CNTN5: variants seen among roughly 807,000 people sequenced by gnomAD.
The protein encoded by CNTN5 is contactin-5.
CNTN5 carries 77 observed loss-of-function variants against 129.1 expected under a neutral mutation model. That is an observed-to-expected ratio of 0.60 (90% CI 0.50 to 0.72). The LOEUF (loss-of-function observed/expected upper bound fraction) is 0.72, where lower values mean the gene tolerates loss of function less well. Among genes scored for constraint, CNTN5 ranks in the 30% least tolerant of loss-of-function variants. The pLI is 0.00. For synonymous variants in CNTN5, 509 were observed against 465.6 expected (o/e 1.09, Z -1.20); for missense variants, 1,478 against 1,328.8 (o/e 1.11, Z -1.75).
chr11:99,959,506 T>C (rs973605332), intron 8 of CNTN5, among the ~76,000 whole-genome samples: 3 of 152,218 alleles, frequency 2.0e-5, no homozygotes, highest in Non-Finnish European at 2.9e-5. Context: ...CATCCTGTAC[T>C]ATTGAGAATC....
At chr11:99,729,487 C>G (rs908649624) in intron 3 of CNTN5, among the ~76,000 whole-genome samples, 7 of 152,098 alleles carry the variant, frequency 4.6e-5, no homozygotes, top group Non-Finnish European at 1.0e-4. Context: ...GTCTGTTGTT[C>G]CCTTCTTTGT....
chr11:99,042,219 C>T (rs1045481099), intron 1 of CNTN5, among the ~76,000 whole-genome samples: 1 of 151,642 alleles, frequency 6.6e-6, no homozygotes, highest in African/African-American at 2.4e-5. Flanking sequence ...AAAAGTTTTT[C>T]TTTATTATAC....
chr11:100,334,196 T>A (rs1217905726), intron 21 of CNTN5, among the ~76,000 whole-genome samples: 1 of 152,144 alleles, frequency 6.6e-6, no homozygotes, highest in African/African-American at 2.4e-5. Flanking sequence ...ACATCACTAA[T>A]GATCAGGGAA....
chr11:100,099,735 T>A (rs981144894), intron 13 of CNTN5, among the ~76,000 whole-genome samples: 3 of 152,052 alleles, frequency 2.0e-5, no homozygotes, highest in Admixed American at 2.0e-4. Context: ...TAGGCCCCAG[T>A]TGAAGAATTC....
At chr11:99,459,607 G>A (rs1291230684) in intron 2 of CNTN5, among the ~76,000 whole-genome samples, 1 of 151,974 alleles carries the variant, frequency 6.6e-6, no homozygotes, top group Non-Finnish European at 1.5e-5. Flanking sequence ...AGCATGAAAT[G>A]ATATGAACTC....
At chr11:99,067,240 A>T (rs1865138404) in intron 1 of CNTN5, among the ~76,000 whole-genome samples, 1 of 152,046 alleles carries the variant, frequency 6.6e-6, no homozygotes, top group Admixed American at 6.6e-5. Flanking sequence ...TTTTTGAAAT[A>T]CTCTTGGCAT....
At chr11:100,048,901 T>C (rs1044306258) in intron 9 of CNTN5, among the ~76,000 whole-genome samples, 11 of 151,828 alleles carry the variant, frequency 7.2e-5, no homozygotes, top group Non-Finnish European at 1.3e-4. Flanking sequence ...CATAAACTAA[T>C]TGATGAAAAA....
chr11:99,943,443 A>G (rs1950486828), intron 7 of CNTN5, among the ~76,000 whole-genome samples: 2 of 152,084 alleles, frequency 1.3e-5, no homozygotes, highest in Admixed American at 1.3e-4. Flanking sequence ...GACCTTTGCA[A>G]GATGGATAGA....
intron 1 of CNTN5, among the ~76,000 whole-genome samples, chr11:99,241,216 T>C (rs938140311): frequency 6.6e-6 from 1 of 152,136 alleles, no homozygotes; most frequent in African/African-American, 2.4e-5. Flanking sequence ...CTTGGATGTG[T>C]ACTCCTTCCA....
intron 3 of CNTN5, among the ~76,000 whole-genome samples, chr11:99,689,530 G>A (rs192849771): frequency 0.01 from 961 of 92,908 alleles, no homozygotes; most frequent in African/African-American, 0.011. Flanking sequence ...CCTCAAAAAA[G>A]AAAAAAAAAA....
chr11:99,586,260 A>G (rs184239735), intron 3 of CNTN5, among the ~76,000 whole-genome samples: 45 of 152,294 alleles, frequency 3.0e-4, no homozygotes, highest in Admixed American at 5.9e-4. Context: ...AAATATAATG[A>G]AAACATTTGT....
At chr11:99,160,003 C>T (rs909940653) in intron 1 of CNTN5, among the ~76,000 whole-genome samples, 5 of 152,118 alleles carry the variant, frequency 3.3e-5, no homozygotes, top group African/African-American at 1.2e-4. Context: ...ACAGGGAGCA[C>T]AGGTGAACAA....
At position 100,336,885 on chromosome 11, in the gene CNTN5, G is replaced by C; in HGVS notation, c.2731-3578G>C. 4 of 540,050 alleles carry C rather than the reference G, an allele frequency of 7.4e-6. No homozygotes were observed. The South Asian group carries it at 7.9e-5, about 11-fold the overall frequency. 33.5% of individuals were successfully genotyped at this position (540,050 alleles called of 1,614,324 possible). On this transcript the variant is annotated intron_variant, in intron 21 of 24. Transcript: ENST00000524871. ...TGGAACAGTGGATTTGAAAGCTATA[G>C]CAGCAACTCATAGGGCAGCCGGTGA... is the stretch of plus-strand genomic sequence containing the variant.
At chr11:99,040,627 A>C (rs1183302451) in intron 1 of CNTN5, among the ~76,000 whole-genome samples, 5 of 152,154 alleles carry the variant, frequency 3.3e-5, no homozygotes, top group African/African-American at 1.2e-4. Flanking sequence ...GAACAATTCT[A>C]TTCAACTTAG....
intron 2 of CNTN5, among the ~76,000 whole-genome samples, chr11:99,477,393 T>TCTGA (rs1436573072): frequency 1.3e-5 from 2 of 152,050 alleles, no homozygotes; most frequent in African/African-American, 2.4e-5. Context: ...ATAACTAAAC[T>TCTGA]CTGAGTCTCT....
At chr11:100,128,598 G>A (rs774587356) in intron 13 of CNTN5, among the ~76,000 whole-genome samples, 7 of 152,102 alleles carry the variant, frequency 4.6e-5, no homozygotes, top group Non-Finnish European at 7.4e-5. Context: ...AGACAGAATA[G>A]GAGAATTTGA....
intron 3 of CNTN5, among the ~76,000 whole-genome samples, chr11:99,789,780 C>A (rs1945672491): frequency 6.6e-6 from 1 of 151,864 alleles, no homozygotes; most frequent in Non-Finnish European, 1.5e-5. Context: ...TTTTTTATTT[C>A]ATTTTTGTTT....
At chr11:99,525,963 C>T (rs779768139) in intron 2 of CNTN5, among the ~76,000 whole-genome samples, 2 of 151,966 alleles carry the variant, frequency 1.3e-5, no homozygotes, top group Non-Finnish European at 2.9e-5. Context: ...TACATCAAAG[C>T]AGTTCTACAT....
At chr11:100,206,482 A>G (rs1046856792) in intron 15 of CNTN5, among the ~76,000 whole-genome samples, 3 of 152,154 alleles carry the variant, frequency 2.0e-5, no homozygotes, top group Non-Finnish European at 4.4e-5. Flanking sequence ...TAAAGTTGCC[A>G]GATTTTTCCA....
Sources: allele counts gnomAD v4.1 joint callset (sites outside exome capture counted in the v4.1 genomes callset), GRCh38; gene constraint gnomAD v4.1.1; transcripts MANE v1.5; gene names NCBI Gene and HGNC (gene_info 2026-07-23, HGNC 2026-07-21).